TSPAN18: variants seen among roughly 807,000 people sequenced by gnomAD.
The protein encoded by TSPAN18 is tetraspanin 18.
In TSPAN18, 14 loss-of-function variants were observed where a neutral mutation model predicts 27.3. That is an observed-to-expected ratio of 0.51 (90% CI 0.34 to 0.80). TSPAN18 has a LOEUF of 0.80. TSPAN18 is among the 30% of genes least tolerant of loss of function. TSPAN18 has a pLI of 0.01. For synonymous variants in TSPAN18, 143 were observed against 136.5 expected, an observed-to-expected ratio of 1.05 and a Z score of -0.33; for missense variants, 268 against 323.9, an observed-to-expected ratio of 0.83 and a Z score of 1.32.
chr11:44,768,746 G>A (rs532831511), intron 2 of TSPAN18, among the ~76,000 whole-genome samples: 12 of 152,208 alleles, frequency 7.9e-5, no homozygotes, highest in Admixed American at 5.9e-4. Context: ...TTATCAACTT[G>A]AGGAAGATCC....
intron 3 of TSPAN18, among the ~76,000 whole-genome samples, chr11:44,886,956 C>T (rs749067074): frequency 1.3e-5 from 2 of 152,148 alleles, no homozygotes; most frequent in Non-Finnish European, 2.9e-5. Context: ...GTGTGTAGAG[C>T]AAGAGGCTGG....
chr11:44,904,710 G>A (rs1859391515), intron 3 of TSPAN18, among the ~76,000 whole-genome samples: 1 of 152,224 alleles, frequency 6.6e-6, no homozygotes, highest in Admixed American at 6.5e-5. Context: ...GGGTGGAGTG[G>A]CCCAGCAGGT....
At position 44,930,903 on chromosome 11, in the gene TSPAN18, G is replaced by C; in HGVS notation, c.*1725G>C. 1 of 526,058 alleles carries C rather than the reference G, an allele frequency of 1.9e-6. No individual in the cohort carries two copies. Among genetic ancestry groups the C allele is most frequent in the Middle Eastern group, 3.2e-4 (1 of 3,140 alleles). The allele number at this position is 526,058 out of a possible 1,614,324, so 32.6% of individuals were successfully genotyped here. Reference sequence around the variant, plus strand: ...CTGTCTCACAAGCCACCGGCATCCTGTATCAGCTTCCAGCCTCCCCTCAGG... The same window carrying C: ...CTGTCTCACAAGCCACCGGCATCCTCTATCAGCTTCCAGCCTCCCCTCAGG... On this transcript the variant is annotated 3_prime_UTR_variant, in exon 10 of 10. Coordinates refer to ENST00000520358, the MANE Select transcript of TSPAN18 (RefSeq NM_130783.5).
At chr11:44,803,299 G>T (rs552772397) in intron 2 of TSPAN18, among the ~76,000 whole-genome samples, 3 of 152,282 alleles carry the variant, frequency 2.0e-5, no homozygotes, top group East Asian at 3.9e-4. Flanking sequence ...TGGGTGGAGG[G>T]ACAGCATTTG....
At chr11:44,766,582 G>A (rs1298637634) in intron 2 of TSPAN18, among the ~76,000 whole-genome samples, 3 of 152,192 alleles carry the variant, frequency 2.0e-5, no homozygotes, top group Admixed American at 6.5e-5. Context: ...GTGTATAAGA[G>A]TAAAAAATCT....
chr11:44,821,379 T>C (rs900587235), intron 2 of TSPAN18, among the ~76,000 whole-genome samples: 17 of 152,214 alleles, frequency 1.1e-4, no homozygotes, highest in African/African-American at 3.6e-4. Flanking sequence ...CTGGAGATTA[T>C]TGAGAGTGGT....
intron 2 of TSPAN18, among the ~76,000 whole-genome samples, chr11:44,828,533 G>T (rs549477718): frequency 5.9e-5 from 9 of 152,290 alleles, no homozygotes; most frequent in African/African-American, 1.9e-4. Context: ...GCCCCGGAAA[G>T]GTGGTCTGAG....
At chr11:44,755,194 G>A (rs186506912) in intron 1 of TSPAN18, among the ~76,000 whole-genome samples, 1 of 152,216 alleles carries the variant, frequency 6.6e-6, no homozygotes, top group East Asian at 1.9e-4. Context: ...GAAGGCCCAT[G>A]CTTCTGGGTA....
intron 1 of TSPAN18, among the ~76,000 whole-genome samples, chr11:44,754,461 GAC>G (rs1421810060): frequency 6.6e-6 from 1 of 152,192 alleles, no homozygotes; most frequent in Non-Finnish European, 1.5e-5. Context: ...AACATGTTGA[GAC>G]ACAATTCATA....
chr11:44,790,052 T>C (rs1856155524), intron 2 of TSPAN18, among the ~76,000 whole-genome samples: 1 of 152,220 alleles, frequency 6.6e-6, no homozygotes, highest in Non-Finnish European at 1.5e-5. Flanking sequence ...GTCTGAGACC[T>C]CAGACATCAT....
intron 2 of TSPAN18, among the ~76,000 whole-genome samples, chr11:44,825,294 G>C (rs1857011431): frequency 6.6e-6 from 1 of 152,238 alleles, no homozygotes; most frequent in African/African-American, 2.4e-5. Context: ...AGCTTTTGCA[G>C]ATCACCTCAG....
intron 3 of TSPAN18, among the ~76,000 whole-genome samples, chr11:44,876,961 G>C (rs1321100764): frequency 6.6e-6 from 1 of 152,226 alleles, no homozygotes; most frequent in African/African-American, 2.4e-5. Context: ...AGCCCACCAG[G>C]AGCATTGGTG....
chr11:44,807,187 T>G (rs1856610370), intron 2 of TSPAN18, among the ~76,000 whole-genome samples: 1 of 101,200 alleles, frequency 9.9e-6, no homozygotes, highest in African/African-American at 4.5e-5. Flanking sequence ...CAAGACCCTG[T>G]CTCTTAAAAA....
At position 44,906,439 on chromosome 11, in the gene TSPAN18, G is replaced by A. The variant is rs1158922127; in HGVS notation, c.23G>A (p.Cys8Tyr). MEGDCLS[C>Y]MKYLMFVFNF... The stretch of plus-strand genomic sequence containing the variant: ...ACCATGGAAGGCGACTGTCTGAGCT[G>A]CATGAAGTATCTGATGTTTGTATTC... The change falls in exon 4 of 10, where the codon TGC (cysteine) becomes TAC (tyrosine). Residue 8 changes from cysteine (C) to tyrosine (Y), a missense_variant. Transcript: ENST00000520358. 1.2e-6 allele frequency: 2 copies of A among 1,614,208 alleles called. No individual in the cohort carries two copies. Among genetic ancestry groups the A allele is most frequent in the Non-Finnish European group, 1.7e-6 (2 of 1,180,018 alleles).
intron 2 of TSPAN18, among the ~76,000 whole-genome samples, chr11:44,850,575 T>G (rs932324115): frequency 6.6e-6 from 1 of 152,168 alleles, no homozygotes; most frequent in Non-Finnish European, 1.5e-5. Context: ...TAGTTTCCAC[T>G]TACTGAGCCT....
chr11:44,857,583 C>T (rs901401950), intron 2 of TSPAN18, among the ~76,000 whole-genome samples: 4 of 152,168 alleles, frequency 2.6e-5, no homozygotes, highest in South Asian at 2.1e-4. Flanking sequence ...CAGGCCTCCA[C>T]GAGAGGGATC....
chr11:44,866,190 T>G (rs995938692), intron 3 of TSPAN18, among the ~76,000 whole-genome samples: 2 of 152,250 alleles, frequency 1.3e-5, no homozygotes, highest in African/African-American at 4.8e-5. Context: ...CCAGCAGGAC[T>G]GGCATGGGGC....
intron 3 of TSPAN18, among the ~76,000 whole-genome samples, chr11:44,867,896 G>A (rs1437648840): frequency 1.3e-5 from 2 of 152,208 alleles, no homozygotes; most frequent in African/African-American, 4.8e-5. Flanking sequence ...TAGGCTGCTT[G>A]TGCTGAGTTT....
chr11:44,846,802 C>T (rs16938103), intron 2 of TSPAN18, among the ~76,000 whole-genome samples: 4,022 of 152,250 alleles, frequency 0.026, 121 homozygotes, highest in African/African-American at 0.069. Context: ...TACTTTGCAG[C>T]CATTTGAGGA....
Sources: gnomAD v4.1 joint callset for allele counts (sites outside exome capture counted in the v4.1 genomes callset) on GRCh38, gnomAD v4.1.1 for gene constraint, MANE v1.5 for transcripts, NCBI Gene and HGNC (gene_info 2026-07-23, HGNC 2026-07-21) for gene names.